Variants in ARHGAP20 observed in about 807,000 individuals in gnomAD.
The protein encoded by ARHGAP20 is rho GTPase-activating protein 20.
In ARHGAP20, 34 loss-of-function variants were observed where a neutral mutation model predicts 73.7. That is an observed-to-expected ratio of 0.46 (90% CI 0.35 to 0.61). The LOEUF is 0.61. Ranked by LOEUF, ARHGAP20 falls within the 20% of genes least tolerant of loss-of-function variation. ARHGAP20 has a pLI of 0.00. For synonymous variants in ARHGAP20, 523 were observed against 518.2 expected (o/e 1.01, Z -0.13); for missense variants, 1,314 against 1,420.9 (o/e 0.92, Z 1.21).
In ARHGAP20 at chr11:110,579,836, C is replaced by G; in HGVS notation, c.3110G>C (p.Trp1037Ser). ...CAAACTGGCCACACCATTTCTCAACCATGTGCTGGGATGAAGAGTTACAGA... is the reference window on the plus strand; with the variant it reads ...CAAACTGGCCACACCATTTCTCAACGATGTGCTGGGATGAAGAGTTACAGA... ...MHSVTLHPST[W>S]LRNGVASLKN... The change falls in exon 15 of 15, where the codon TGG becomes TCG. Residue 1037 changes from tryptophan (W) to serine (S), a missense_variant. By Grantham distance (177) the Trp-to-Ser change is radical. This residue lies in a region of ARHGAP20 where 641 missense variants were observed against 636.9 expected (regional missense o/e 1.01). Coordinates refer to ENST00000683387, the MANE Select transcript of ARHGAP20 (RefSeq NM_001384657.1). The G allele has an allele frequency of 1.9e-6, 3 of 1,614,208 alleles. No individual in the cohort carries two copies. Among genetic ancestry groups the G allele is most frequent in the Non-Finnish European group, 2.5e-6 (3 of 1,180,054 alleles).
At chr11:110,711,832 G>A (rs1009151318) in intron 1 of ARHGAP20, 1 of 1,308,774 alleles carries the variant, frequency 7.6e-7, no homozygotes, top group Non-Finnish European at 9.7e-7. Flanking sequence ...GACTGAGGGA[G>A]GAGCCGGGCT....
chr11:110,595,355 C>A (rs946661019), intron 9 of ARHGAP20, among the ~76,000 whole-genome samples: 1 of 152,194 alleles, frequency 6.6e-6, no homozygotes. Context: ...GTCAAATTGT[C>A]CCTGTTTGCA....
At position 110,580,294 on chromosome 11, in the gene ARHGAP20, A is replaced by G; in HGVS notation, c.2652T>C (p.Tyr884=). The change falls in exon 15 of 15, where the codon TAT becomes TAC. Residue 884 remains tyrosine (Y), a synonymous_variant. Transcript: ENST00000683387. ...TTTGCAAAGACTTATGCCGTTTGAGATAATCCTCCTCTCCATGCAAGAGAC... is the reference window on the plus strand; with the variant it reads ...TTTGCAAAGACTTATGCCGTTTGAGGTAATCCTCCTCTCCATGCAAGAGAC... ...EAGLLHGEED[Y]LKRHKSLQME... The G allele has an allele frequency of 6.2e-7, 1 of 1,614,216 alleles. No homozygotes were observed. The highest frequency in any genetic ancestry group is 2.2e-5 in the East Asian group (1 of 44,880).
intron 2 of ARHGAP20, among the ~76,000 whole-genome samples, chr11:110,656,645 G>T (rs1401441898): frequency 6.6e-6 from 1 of 152,184 alleles, no homozygotes; most frequent in African/African-American, 2.4e-5. Context: ...CTCCTCCATT[G>T]TGAGTATTAA....
At chr11:110,685,115 A>G (rs1176674536) in intron 2 of ARHGAP20, among the ~76,000 whole-genome samples, 1 of 152,222 alleles carries the variant, frequency 6.6e-6, no homozygotes, top group Non-Finnish European at 1.5e-5. Flanking sequence ...AATAAAATTA[A>G]GATCATATTG....
Position 110,579,694 on chromosome 11 carries a change from G to A in ARHGAP20, c.3252C>T (p.Asn1084=). ...AGTCTTTTTGTTCCTCTTGCAGTGA[G>A]TTGGCTTCTGGAACACCAGAAGCAT... is the stretch of plus-strand genomic sequence containing the variant. ...PPHASGVPEA[N]SLQEEQKDLP... Residue 1084 remains asparagine (N), a synonymous_variant, in exon 15 of 15, where the codon AAC becomes AAT. Coordinates refer to ENST00000683387, the MANE Select transcript of ARHGAP20 (RefSeq NM_001384657.1). The A allele has an allele frequency of 1.2e-6, 2 of 1,614,210 alleles. No individual in the cohort carries two copies. Among genetic ancestry groups the A allele is most frequent in the Non-Finnish European group, 1.7e-6 (2 of 1,180,036 alleles).
intron 1 of ARHGAP20, among the ~76,000 whole-genome samples, chr11:110,702,328 T>C (rs1300520012): frequency 1.3e-5 from 2 of 152,088 alleles, no homozygotes; most frequent in Non-Finnish European, 2.9e-5. Flanking sequence ...TTTGACAAAA[T>C]TCAACAACCC....
At chr11:110,692,027 G>A (rs1322997252) in intron 1 of ARHGAP20, among the ~76,000 whole-genome samples, 1 of 152,126 alleles carries the variant, frequency 6.6e-6, no homozygotes, top group African/African-American at 2.4e-5. Flanking sequence ...ACAGCCCGGA[G>A]TTATCATCGG....
intron 4 of ARHGAP20, among the ~76,000 whole-genome samples, chr11:110,618,641 C>T (rs931398062): frequency 6.0e-5 from 8 of 132,728 alleles, no homozygotes; most frequent in East Asian, 4.5e-4. Flanking sequence ...GCAGTGATAG[C>T]GTATATGCAG....
chr11:110,681,186 T>A (rs1426719833), intron 2 of ARHGAP20, among the ~76,000 whole-genome samples: 2 of 152,212 alleles, frequency 1.3e-5, no homozygotes, highest in African/African-American at 4.8e-5. Flanking sequence ...GGAACAGTGT[T>A]TGACATAGAA....
intron 2 of ARHGAP20, among the ~76,000 whole-genome samples, chr11:110,649,748 C>T (rs759808354): frequency 5.3e-5 from 8 of 152,092 alleles, no homozygotes; most frequent in Non-Finnish European, 8.8e-5. Context: ...AAAGCCAGAC[C>T]TGGAAAAACG....
chr11:110,590,861 G>T, intron 10 of ARHGAP20, 52 bp from the exon 11 acceptor site: 3 of 1,550,642 alleles, frequency 1.9e-6, no homozygotes, highest in Non-Finnish European at 1.7e-6. Flanking sequence ...CACACACAAG[G>T]GAATGTACAC....
At chr11:110,593,472 A>G (rs1166555749) in intron 9 of ARHGAP20, among the ~76,000 whole-genome samples, 1 of 152,232 alleles carries the variant, frequency 6.6e-6, no homozygotes, top group African/African-American at 2.4e-5. Flanking sequence ...AAGGCACTAA[A>G]GAGTGAGCAA....
chr11:110,658,080 G>T (rs1333382380), intron 2 of ARHGAP20, among the ~76,000 whole-genome samples: 1 of 152,144 alleles, frequency 6.6e-6, no homozygotes, highest in Non-Finnish European at 1.5e-5. Flanking sequence ...ACCACTTAAA[G>T]ACTATGTGAC....
intron 7 of ARHGAP20, among the ~76,000 whole-genome samples, chr11:110,610,107 C>T (rs964296178): frequency 9.2e-5 from 14 of 152,074 alleles, no homozygotes; most frequent in Non-Finnish European, 4.4e-5. Context: ...CCTCTACATA[C>T]CTCTAAAACT....
chr11:110,580,147 G>A lies in ARHGAP20; in HGVS notation c.2799C>T (p.Thr933=), dbSNP rs895009097. The part of the protein sequence containing the change: ...LPPRLNLCPR[T]SYSSLSSPGT... ...CTGGGGAGGATAAGCTGGAATAGCT[G>A]GTCCTTGGGCAAAGGTTTAATCTTG... Residue 933 remains threonine (T), a synonymous_variant, in exon 15 of 15, where the codon ACC becomes ACT. Transcript: ENST00000683387. The A allele has an allele frequency of 3.9e-5, 63 of 1,614,046 alleles. No homozygotes were observed. The highest frequency in any genetic ancestry group is 5.1e-5 in the Non-Finnish European group (60 of 1,180,036).
chr11:110,655,074 T>G (rs1342267349), intron 2 of ARHGAP20, among the ~76,000 whole-genome samples: 16 of 152,170 alleles, frequency 1.1e-4, no homozygotes, highest in Non-Finnish European at 2.9e-5. Context: ...TAGACTATAT[T>G]CTTCTTTATT....
intron 10 of ARHGAP20, 60 bp from the exon 11 acceptor site, chr11:110,590,869 C>T: frequency 2.7e-6 from 4 of 1,507,822 alleles, no homozygotes; most frequent in Non-Finnish European, 3.6e-6. Flanking sequence ...AGGGAATGTA[C>T]ACTTGCCCTC....
At chr11:110,585,742 C>T (rs1947647184) in intron 12 of ARHGAP20, among the ~76,000 whole-genome samples, 1 of 152,116 alleles carries the variant, frequency 6.6e-6, no homozygotes, top group Admixed American at 6.6e-5. Context: ...AAGGACTTAA[C>T]TGTGTCTTTG....
Sources: gnomAD v4.1 joint callset for allele counts (sites outside exome capture counted in the v4.1 genomes callset) on GRCh38, gnomAD v4.1.1 for gene constraint, gnomAD v4.1.1 regional missense constraint, MANE v1.5 for transcripts, NCBI Gene and HGNC (gene_info 2026-07-23, HGNC 2026-07-21) for gene names.